OLFM3: variants seen among roughly 807,000 people sequenced by gnomAD.
OLFM3 encodes the protein noelin-3.
Under a neutral mutation model 48.6 loss-of-function variants are expected in OLFM3, and 20 were observed. That is an observed-to-expected ratio of 0.41 (90% CI 0.29 to 0.60). The LOEUF (loss-of-function observed/expected upper bound fraction) is 0.60. OLFM3 is among the 20% of genes least tolerant of loss of function. OLFM3 has a pLI of 0.28. For missense variants in OLFM3, 437 were observed against 544.3 expected (o/e 0.80, Z 1.96); for synonymous variants, 222 against 198.1 (o/e 1.12, Z -1.01).
chr1:101,944,442 A>C (rs925364016), intron 1 of OLFM3, among the ~76,000 whole-genome samples: 4 of 152,206 alleles, frequency 2.6e-5, no homozygotes, highest in African/African-American at 9.7e-5. Flanking sequence ...CTATTCAAGC[A>C]GTGCTTAAAG....
At chr1:101,940,631 A>G (rs1291899233) in intron 1 of OLFM3, among the ~76,000 whole-genome samples, 1 of 151,446 alleles carries the variant, frequency 6.6e-6, no homozygotes, top group East Asian at 1.9e-4. Context: ...TGGTGGGTGG[A>G]GTCAGGTGTC....
At chr1:101,808,819 A>C (rs1479760170) in intron 4 of OLFM3, among the ~76,000 whole-genome samples, 3 of 151,932 alleles carry the variant, frequency 2.0e-5, no homozygotes, top group Non-Finnish European at 4.4e-5. Context: ...TATTTTCAAA[A>C]AGTTTGTAAG....
chr1:101,880,939 C>A (rs1657503654), intron 1 of OLFM3, among the ~76,000 whole-genome samples: 1 of 151,776 alleles, frequency 6.6e-6, no homozygotes, highest in African/African-American at 2.4e-5. Context: ...ATGCATAGTA[C>A]CAAAGCATTA....
intron 1 of OLFM3, among the ~76,000 whole-genome samples, chr1:101,941,537 T>A (rs1416271412): frequency 1.3e-5 from 2 of 152,148 alleles, no homozygotes; most frequent in African/African-American, 2.4e-5. Flanking sequence ...GACAGTACAA[T>A]TTTAAGTTAT....
intron 1 of OLFM3, among the ~76,000 whole-genome samples, chr1:101,867,651 G>A (rs953435013): frequency 6.6e-6 from 1 of 152,172 alleles, no homozygotes; most frequent in African/African-American, 2.4e-5. Flanking sequence ...ATACCTAGAT[G>A]TGAATTCTGC....
At chr1:101,924,743 C>T (rs969375061) in intron 1 of OLFM3, among the ~76,000 whole-genome samples, 11 of 152,060 alleles carry the variant, frequency 7.2e-5, no homozygotes, top group Non-Finnish European at 1.5e-5. Flanking sequence ...TATTTATTTA[C>T]TTAAACACTA....
At chr1:101,805,023 G>A (rs1486850688) in intron 5 of OLFM3, 108 bp from the exon 6 acceptor site, 2 of 846,992 alleles carry the variant, frequency 2.4e-6, no homozygotes. Context: ...TCAGGCTCTG[G>A]AAGCCACACT....
intron 1 of OLFM3, among the ~76,000 whole-genome samples, chr1:101,986,267 A>G (rs2101115360): frequency 6.6e-6 from 1 of 152,188 alleles, no homozygotes; most frequent in South Asian, 2.1e-4. Flanking sequence ...CCCGGCCTGA[A>G]CTACATTTTT....
At chr1:101,893,989 A>G (rs894725109) in intron 1 of OLFM3, 1 of 153,504 alleles carries the variant, frequency 6.5e-6, no homozygotes, top group African/African-American at 2.4e-5. Context: ...GACCATTACA[A>G]TGGAAAAGCA....
intron 3 of OLFM3, among the ~76,000 whole-genome samples, chr1:101,827,034 A>G (rs559435542): frequency 6.6e-6 from 1 of 152,376 alleles, no homozygotes; most frequent in Admixed American, 6.5e-5. Flanking sequence ...CTGAAAACTT[A>G]TATGAGAGCA....
intron 1 of OLFM3, among the ~76,000 whole-genome samples, chr1:101,975,892 A>AT (rs1660940007): frequency 6.6e-6 from 1 of 152,160 alleles, no homozygotes; most frequent in African/African-American, 2.4e-5. Flanking sequence ...ATATGCAAAA[A>AT]TCAAAGAAAG....
intron 1 of OLFM3, among the ~76,000 whole-genome samples, chr1:101,863,500 C>G (rs187911777): frequency 6.6e-6 from 1 of 152,266 alleles, no homozygotes; most frequent in African/African-American, 2.4e-5. Context: ...CAGAGCTTCC[C>G]CCTTCCTGGT....
At chr1:101,853,250 G>A (rs186602191) in intron 1 of OLFM3, among the ~76,000 whole-genome samples, 221 of 152,054 alleles carry the variant, frequency 1.5e-3, no homozygotes, top group African/African-American at 4.9e-3. Flanking sequence ...GAGATGCAAG[G>A]CAATCTTTCA....
At chr1:101,988,691 C>T (rs1245468909) in intron 1 of OLFM3, among the ~76,000 whole-genome samples, 1 of 151,906 alleles carries the variant, frequency 6.6e-6, no homozygotes, top group African/African-American at 2.4e-5. Flanking sequence ...TATCTTATAT[C>T]AATAAGACAC....
At chr1:101,853,541 C>T (rs1656301765) in intron 1 of OLFM3, among the ~76,000 whole-genome samples, 1 of 151,986 alleles carries the variant, frequency 6.6e-6, no homozygotes, top group African/African-American at 2.4e-5. Flanking sequence ...AGAAATGATT[C>T]CTGGTTTCTT....
chr1:101,887,651 T>C (rs1657815783), intron 1 of OLFM3, among the ~76,000 whole-genome samples: 1 of 152,068 alleles, frequency 6.6e-6, no homozygotes, highest in Admixed American at 6.6e-5. Flanking sequence ...AATATAATCA[T>C]CTTGGAAAAT....
chr1:101,971,210 A>G (rs1414097976), intron 1 of OLFM3, among the ~76,000 whole-genome samples: 2 of 152,216 alleles, frequency 1.3e-5, no homozygotes, highest in Non-Finnish European at 1.5e-5. Context: ...ATGAGGATCT[A>G]AGCCAGAGCA....
At chr1:101,941,906 G>A (rs574406210) in intron 1 of OLFM3, among the ~76,000 whole-genome samples, 13 of 152,234 alleles carry the variant, frequency 8.5e-5, no homozygotes, top group East Asian at 3.9e-4. Context: ...ACTAACTTAC[G>A]TAAAACACTT....
intron 1 of OLFM3, among the ~76,000 whole-genome samples, chr1:101,970,578 C>A (rs993104286): frequency 6.6e-6 from 1 of 152,210 alleles, no homozygotes; most frequent in Non-Finnish European, 1.5e-5. Context: ...TCCTGTCAGG[C>A]ATTCTGCCAG....
Sources: allele counts gnomAD v4.1 joint callset (sites outside exome capture counted in the v4.1 genomes callset), GRCh38; gene constraint gnomAD v4.1.1; transcripts MANE v1.5; gene names NCBI Gene and HGNC (gene_info 2026-07-23, HGNC 2026-07-21).